The following CNTNAP4 variants were observed in gnomAD, a reference collection of about 807,000 sequenced individuals.
CNTNAP4 encodes contactin-associated protein-like 4.
CNTNAP4 carries 98 observed loss-of-function variants against 148.4 expected under a neutral mutation model. The observed-to-expected ratio is 0.66, with a 90% CI of 0.56 to 0.78. CNTNAP4 has a LOEUF of 0.78. Among genes scored for constraint, CNTNAP4 ranks in the 30% least tolerant of loss-of-function variants. The probability of loss-of-function intolerance (pLI) is 0.00; values close to 1 mark genes in which losing one functional copy is unlikely to be tolerated. For missense variants in CNTNAP4, 1,935 were observed against 1,565.6 expected (o/e 1.24, Z -3.98); for synonymous variants, 730 against 565.1 (o/e 1.29, Z -4.14).
At chr16:76,436,336 G>A (rs11149899) in intron 4 of CNTNAP4, among the ~76,000 whole-genome samples, 97,265 of 151,762 alleles carry the variant, frequency 0.64, 32,596 homozygotes, top group African/African-American at 0.84. Flanking sequence ...GGGTCCTCCC[G>A]CACATCCCCA....
chr16:76,525,489 CTATA>C (rs1416510949), intron 17 of CNTNAP4, among the ~76,000 whole-genome samples: 1 of 146,514 alleles, frequency 6.8e-6, no homozygotes, highest in African/African-American at 2.5e-5. Context: ...ATATATATAA[CTATA>C]TATAGTTTTT....
At position 76,559,379 on chromosome 16, in the gene CNTNAP4, G is replaced by C. The variant is rs534666839; in HGVS notation, c.*696G>C. On this transcript the variant is annotated 3_prime_UTR_variant, in exon 24 of 24. Coordinates refer to ENST00000611870, the MANE Select transcript of CNTNAP4 (RefSeq NM_033401.5). ...TTAACAAGACTCAGAAAGTGCAGTG[G>C]TTGTTAGTATGTAATGTCTTTCCTT... 1.9e-4 allele frequency: 29 copies of C among 151,936 alleles called. No individual in the cohort carries two copies. The highest frequency in any genetic ancestry group is 5.8e-4 in the African/African-American group (24 of 41,514). 9.4% of individuals were successfully genotyped at this position (151,936 alleles called of 1,614,324 possible). A position where few individuals can be genotyped will look rare whatever the true frequency, so the allele number is the denominator to read the frequency against.
At chr16:76,442,695 T>A (rs114628574) in intron 4 of CNTNAP4, among the ~76,000 whole-genome samples, 261 of 152,154 alleles carry the variant, frequency 1.7e-3, no homozygotes, top group African/African-American at 6.1e-3. Flanking sequence ...CTAATCAGTC[T>A]CATGAGAGAA....
At chr16:76,305,448 C>T (rs574887135) in intron 1 of CNTNAP4, among the ~76,000 whole-genome samples, 1 of 152,022 alleles carries the variant, frequency 6.6e-6, no homozygotes, top group East Asian at 1.9e-4. Flanking sequence ...ATGTTTATTT[C>T]ATTGTTTTTT....
chr16:76,500,278 T>G (rs1381672429), intron 15 of CNTNAP4, among the ~76,000 whole-genome samples: 2 of 152,238 alleles, frequency 1.3e-5, no homozygotes, highest in African/African-American at 4.8e-5. Context: ...GGGGCTGTAT[T>G]GTGAACATTT....
chr16:76,487,191 A>G (rs2082057816), intron 12 of CNTNAP4, among the ~76,000 whole-genome samples: 1 of 152,220 alleles, frequency 6.6e-6, no homozygotes, highest in South Asian at 2.1e-4. Context: ...TGTCAGAGCC[A>G]CCGCAGCATC....
At chr16:76,356,938 G>C (rs1010899339) in intron 3 of CNTNAP4, among the ~76,000 whole-genome samples, 5 of 152,026 alleles carry the variant, frequency 3.3e-5, no homozygotes, top group African/African-American at 9.7e-5. Flanking sequence ...TCTTTCTCTA[G>C]AGGGAACAAC....
rs2081735458 is a variant in CNTNAP4, at chr16:76,479,525, T to C, written c.1869T>C (p.Tyr623=). 1 of 1,608,698 alleles carries C rather than the reference T, an allele frequency of 6.2e-7. No individual in the cohort carries two copies. Among genetic ancestry groups the C allele is most frequent in the Admixed American group, 1.7e-5 (1 of 59,032 alleles). The change falls in exon 12 of 24, where the codon TAT becomes TAC. Residue 623 remains tyrosine, a synonymous_variant. Coordinates refer to ENST00000611870, the MANE Select transcript of CNTNAP4 (RefSeq NM_033401.5). ...GSGPLEPFLL[Y]CNMTETAWTI... is the part of the protein sequence containing the mutation. ...GTCCCCTGGAACCATTTCTTCTATATTGCAATATGACCGGTGAGTTAATCA... is the reference window on the plus strand; with the variant it reads ...GTCCCCTGGAACCATTTCTTCTATACTGCAATATGACCGGTGAGTTAATCA...
chr16:76,318,433 C>T (rs1269771782), intron 2 of CNTNAP4, among the ~76,000 whole-genome samples: 4 of 152,006 alleles, frequency 2.6e-5, no homozygotes, highest in Non-Finnish European at 1.5e-5. Context: ...ATTTCTATGG[C>T]TCTTGGTAAA....
At chr16:76,557,193 T>A (rs1301586291) in intron 23 of CNTNAP4, among the ~76,000 whole-genome samples, 1 of 152,222 alleles carries the variant, frequency 6.6e-6, no homozygotes, top group African/African-American at 2.4e-5. Flanking sequence ...CAAATTCAAT[T>A]TTTCATTTGA....
chr16:76,397,568 T>C (rs1174204051), intron 3 of CNTNAP4, among the ~76,000 whole-genome samples: 1 of 151,948 alleles, frequency 6.6e-6, no homozygotes, highest in Non-Finnish European at 1.5e-5. Flanking sequence ...ACAGAATATA[T>C]AGCAACTGTT....
intron 16 of CNTNAP4, among the ~76,000 whole-genome samples, chr16:76,521,666 C>A (rs1357486010): frequency 6.6e-6 from 1 of 152,078 alleles, no homozygotes; most frequent in African/African-American, 2.4e-5. Flanking sequence ...GTATAGCATG[C>A]CTTAAAAATT....
At chr16:76,445,881 T>C (rs1376361237) in intron 4 of CNTNAP4, among the ~76,000 whole-genome samples, 3 of 152,214 alleles carry the variant, frequency 2.0e-5, no homozygotes, top group Non-Finnish European at 4.4e-5. Context: ...AAGTCTGTCT[T>C]ACTGGAATTT....
At chr16:76,407,726 A>G (rs1217596160) in intron 3 of CNTNAP4, among the ~76,000 whole-genome samples, 1 of 152,148 alleles carries the variant, frequency 6.6e-6, no homozygotes, top group Non-Finnish European at 1.5e-5. Context: ...CTCCTGGTGA[A>G]GATGCTATGA....
intron 4 of CNTNAP4, among the ~76,000 whole-genome samples, chr16:76,444,467 A>C (rs1237972102): frequency 1.3e-5 from 2 of 152,004 alleles, no homozygotes; most frequent in African/African-American, 4.8e-5. Context: ...TGGTAAGATC[A>C]CTTTCAAGAG....
chr16:76,410,528 A>C (rs2078756585), intron 3 of CNTNAP4, among the ~76,000 whole-genome samples: 2 of 151,696 alleles, frequency 1.3e-5, no homozygotes, highest in Non-Finnish European at 3.0e-5. Context: ...TTATTGATTG[A>C]AATAAGCAGT....
intron 3 of CNTNAP4, among the ~76,000 whole-genome samples, chr16:76,378,722 C>G (rs559481156): frequency 6.6e-6 from 1 of 152,288 alleles, no homozygotes; most frequent in South Asian, 2.1e-4. Flanking sequence ...ACATACTTTC[C>G]TTAAGATTCC....
chr16:76,521,831 A>T lies in CNTNAP4; in HGVS notation c.2537-208A>T, dbSNP rs568747104. 3.3e-5 allele frequency among the ~76,000 whole-genome samples: 5 copies of T among 152,062 alleles called. No homozygotes were observed. The East Asian group carries it at 9.7e-4, about 29-fold the overall frequency. ...AGAATACCATTTTTTTTTCAAAAAC[A>T]TGAATGTATTTAACTGTCTCATTTC... On this transcript the variant is annotated intron_variant, in intron 16 of 23. Coordinates refer to ENST00000611870, the MANE Select transcript of CNTNAP4 (RefSeq NM_033401.5).
intron 1 of CNTNAP4, among the ~76,000 whole-genome samples, chr16:76,296,859 A>T (rs1319106534): frequency 6.6e-6 from 1 of 152,166 alleles, no homozygotes. Context: ...AGAGAGCTTT[A>T]ATTCTCCAGT....
Sources: allele counts gnomAD v4.1 joint callset (sites outside exome capture counted in the v4.1 genomes callset), GRCh38; gene constraint gnomAD v4.1.1; transcripts MANE v1.5; gene names NCBI Gene and HGNC (gene_info 2026-07-23, HGNC 2026-07-21).